Variants in MDN1 observed in about 807,000 individuals in gnomAD.
The protein encoded by MDN1 is midasin.
In MDN1, 266 loss-of-function variants were observed where a neutral mutation model predicts 669.2. The ratio of observed to expected loss-of-function variants is 0.40; its 90% CI spans 0.36 to 0.44. MDN1 has a LOEUF of 0.44. Ranked by LOEUF, MDN1 falls within the 20% of genes least tolerant of loss-of-function variation. The pLI is 1.00. For missense variants in MDN1, 5,940 were observed against 6,754.0 expected (o/e 0.88, Z 4.22); for synonymous variants, 2,385 against 2,457.1 (o/e 0.97, Z 0.87).
At chr6:89,801,393 C>T (rs1178151508) in intron 2 of MDN1, among the ~76,000 whole-genome samples, 5 of 152,134 alleles carry the variant, frequency 3.3e-5, no homozygotes, top group Admixed American at 3.3e-4. Flanking sequence ...TGGCTTACAC[C>T]TATAATCCCA....
At chr6:89,809,632 C>T (rs1444890659) in intron 1 of MDN1, among the ~76,000 whole-genome samples, 2 of 151,630 alleles carry the variant, frequency 1.3e-5, no homozygotes, top group East Asian at 1.9e-4. Context: ...AAAAATTAGC[C>T]GGGCATTATG....
rs13213506 is a variant in MDN1, at chr6:89,728,058, C to T, written c.5350-103G>A. 2.0e-4 allele frequency: 272 copies of T among 1,342,082 alleles called. 2 individuals are homozygous for T. In the African/African-American group the frequency reaches 3.6e-3, roughly 18 times the overall value. The allele number at this position is 1,342,082 out of a possible 1,614,324, so 83.1% of individuals were successfully genotyped here. ...TGATAAATACTTGGGGCTGGCACCA[C>T]TACTCTTCCTTCCTACACCCAAGAT... On this transcript the variant is annotated intron_variant, in intron 36 of 101. Coordinates refer to ENST00000369393, the MANE Select transcript of MDN1 (RefSeq NM_014611.3).
intron 70 of MDN1, 36 bp from the exon 71 acceptor site, chr6:89,685,021 T>G (rs753384867): frequency 7.0e-7 from 1 of 1,418,522 alleles, no homozygotes; most frequent in Non-Finnish European, 9.9e-7. Context: ...AATACCACAC[T>G]TGCTGCATGT....
Position 89,652,297 on chromosome 6 carries a change from CATAG to C in MDN1, c.15826-20_15826-17del. 2 of 1,609,900 alleles carry C rather than the reference CATAG, an allele frequency of 1.2e-6. No homozygotes were observed. The highest frequency in any genetic ancestry group is 1.7e-6 in the Non-Finnish European group (2 of 1,177,572). On this transcript the variant is annotated splice_polypyrimidine_tract_variant and intron_variant, in intron 94 of 101. Coordinates refer to ENST00000369393, the MANE Select transcript of MDN1 (RefSeq NM_014611.3). ...TTAAAAAGGGCTAAAAAGAAAAAGC[CATAG>C]ATAAGAGGTGGCCCAGGTTGGAATC...
chr6:89,697,644 C>T (rs571140589), intron 59 of MDN1, among the ~76,000 whole-genome samples: 1 of 151,454 alleles, frequency 6.6e-6, no homozygotes, highest in South Asian at 2.1e-4. Context: ...TGCAATGGCA[C>T]GATCTTGGCT....
rs1018501845 is a variant in MDN1, at chr6:89,714,679, G to A, written c.6933C>T (p.Tyr2311=). The A allele has an allele frequency of 1.2e-6, 2 of 1,614,038 alleles. No individual in the cohort carries two copies. The highest frequency in any genetic ancestry group is 1.6e-4 in the Middle Eastern group (1 of 6,062). ...RAMRNRGLEI[Y]ISGEGDASTP... ...TGCTTGCATCCCCTTCCCCTGAAAT[G>A]TAGATTTCAAGTCCACGATTCCTCA... The change falls in exon 46 of 102, where the codon TAC becomes TAT. Residue 2311 remains tyrosine (Y), a synonymous_variant. Coordinates refer to ENST00000369393, the MANE Select transcript of MDN1 (RefSeq NM_014611.3).
chr6:89,689,852 A>G lies in MDN1; in HGVS notation c.11023+18T>C. ...TGCTTTCATTTCCCAGGGGCATAAC[A>G]AAAGTAAACTACCATACCCATCAGG... On this transcript the variant is annotated intron_variant, in intron 65 of 101. Coordinates refer to ENST00000369393, the MANE Select transcript of MDN1 (RefSeq NM_014611.3). The G allele has an allele frequency of 6.2e-7, 1 of 1,607,298 alleles. No homozygotes were observed. The highest frequency in any genetic ancestry group is 8.5e-7 in the Non-Finnish European group (1 of 1,175,144).
At chr6:89,804,624 G>C (rs537390177) in intron 1 of MDN1, among the ~76,000 whole-genome samples, 37 of 152,152 alleles carry the variant, frequency 2.4e-4, no homozygotes, top group Admixed American at 1.4e-3. Flanking sequence ...ATTAATTCCT[G>C]GGAGTGAATG....
At chr6:89,667,183 C>CT (rs901530164) in intron 84 of MDN1, among the ~76,000 whole-genome samples, 9 of 150,212 alleles carry the variant, frequency 6.0e-5, no homozygotes, top group East Asian at 1.9e-4. Flanking sequence ...TTGCTTTTGA[C>CT]TTTTTTTTTC....
intron 84 of MDN1, among the ~76,000 whole-genome samples, chr6:89,664,930 A>G (rs1239381858): frequency 6.6e-6 from 1 of 152,204 alleles, no homozygotes; most frequent in Non-Finnish European, 1.5e-5. Flanking sequence ...TTTATTATCC[A>G]ATTCTTTAAT....
chr6:89,758,185 C>T lies in MDN1; in HGVS notation c.2702+70G>A. The T allele has an allele frequency of 2.4e-6, 3 of 1,259,288 alleles. No individual in the cohort carries two copies. The South Asian group carries it at 3.9e-5, about 16-fold the overall frequency. 78.0% of individuals were successfully genotyped at this position (1,259,288 alleles called of 1,614,324 possible). ...GCAGTGAGCCAAGATCACGCCACTG[C>T]ACTCCAACCTGGGCAACAGAGCAAG... On this transcript the variant is annotated intron_variant, in intron 19 of 101. Transcript: ENST00000369393.
At chr6:89,658,508 A>T (rs1486625387) in intron 89 of MDN1, 102 bp downstream of exon 89, 1 of 1,523,174 alleles carries the variant, frequency 6.6e-7, no homozygotes, top group Non-Finnish European at 8.9e-7. Flanking sequence ...GAAGTGCCAC[A>T]TGTTGATGGA....
At chr6:89,747,760 G>A (rs954691335) in intron 26 of MDN1, among the ~76,000 whole-genome samples, 13 of 151,150 alleles carry the variant, frequency 8.6e-5, no homozygotes, top group Middle Eastern at 3.4e-3. Flanking sequence ...GCGTGGTGGC[G>A]GGTGCCTGTA....
At position 89,644,374 on chromosome 6, in the gene MDN1, GTCTT is replaced by G. The variant is rs1171305325; in HGVS notation, c.16603-185_16603-182del. Among the ~76,000 whole-genome samples the G allele has an allele frequency of 4.6e-5, 7 of 152,286 alleles. No homozygotes were observed. The East Asian group carries it at 7.7e-4, about 17-fold the overall frequency. On this transcript the variant is annotated intron_variant, in intron 101 of 101. Transcript: ENST00000369393. ...GAACTCTACTAAGAAGGAGGTAGAT[GTCTT>G]TCTGAGTGCCCCTTCCAGGAGGATG...
chr6:89,772,654 T>C lies in MDN1; in HGVS notation c.2002A>G (p.Ser668Gly). The C allele has an allele frequency of 6.2e-7, 1 of 1,614,136 alleles. No homozygotes were observed. The highest frequency in any genetic ancestry group is 8.5e-7 in the Non-Finnish European group (1 of 1,180,012). The change falls in exon 14 of 102, where the codon AGC becomes GGC. Residue 668 changes from serine to glycine, a missense_variant. By Grantham distance (56) the Ser-to-Gly change is moderately conservative (BLOSUM62 0). Transcript: ENST00000369393. ...VLIEQLAVCV[S>G]KGEPVLLVGE... ...ACCAGCAACACAGGCTCCCCTTTGC[T>C]GACACACACTGCAAGCTGCTCGATG...
In MDN1 at chr6:89,807,218, C is replaced by CT. The variant is rs1768080433; in HGVS notation, c.103-3665dup. ...CCTCCTGCCTCATCCTGCCAAGTAGCTGGGACTACAGGCACACACTACCAT... is the reference window on the plus strand; with the variant it reads ...CCTCCTGCCTCATCCTGCCAAGTAGCTTGGGACTACAGGCACACACTACCAT... On this transcript the variant is annotated intron_variant, in intron 1 of 101. Transcript: ENST00000369393. Among the ~76,000 whole-genome samples, 3 of 152,220 alleles carry CT rather than the reference C, an allele frequency of 2.0e-5. No individual in the cohort carries two copies. In the South Asian group the frequency reaches 6.2e-4, roughly 32 times the overall value.
rs1379423493 is a variant in MDN1, at chr6:89,643,501, A to C, written c.*504T>G. 1 of 152,244 alleles carries C rather than the reference A, an allele frequency of 6.6e-6. No homozygotes were observed. 9.4% of individuals were successfully genotyped at this position (152,244 alleles called of 1,614,324 possible). ...AGTTCCTTTCACAATAAGAAAACACACCCTCATACTCTCCAGAAACGAGCT... is the reference window on the plus strand; with the variant it reads ...AGTTCCTTTCACAATAAGAAAACACCCCCTCATACTCTCCAGAAACGAGCT... On this transcript the variant is annotated 3_prime_UTR_variant, in exon 102 of 102. Coordinates refer to ENST00000369393, the MANE Select transcript of MDN1 (RefSeq NM_014611.3).
chr6:89,801,115 T>C (rs1458708248), intron 2 of MDN1, among the ~76,000 whole-genome samples: 6 of 152,160 alleles, frequency 3.9e-5, no homozygotes, highest in African/African-American at 1.4e-4. Context: ...GGAAATAATC[T>C]CTGGGTGTGG....
rs753284250 is a variant in MDN1, at chr6:89,667,997, C to T, written c.14094+17G>A. On this transcript the variant is annotated intron_variant, in intron 84 of 101. Transcript: ENST00000369393. ...AGAGTGATCTTCTGTCAACTGTATA[C>T]CTATGTGAAAACGTACCTGTTCTTC... 3.1e-6 allele frequency: 5 copies of T among 1,612,722 alleles called. No homozygotes were observed. In the South Asian group the frequency reaches 3.3e-5, roughly 11 times the overall value.
Sources: gnomAD v4.1 joint callset for allele counts (sites outside exome capture counted in the v4.1 genomes callset) on GRCh38, gnomAD v4.1.1 for gene constraint, MANE v1.5 for transcripts, NCBI Gene and HGNC (gene_info 2026-07-23, HGNC 2026-07-21) for gene names.